The following FRMD4A variants were observed in gnomAD, a reference collection of about 807,000 sequenced individuals.
FRMD4A encodes the protein FERM domain containing 4A, also known as FERM domain-containing protein 4A.
FRMD4A carries 29 observed loss-of-function variants against 129.1 expected under a neutral mutation model. That is an observed-to-expected ratio of 0.22 (90% CI 0.17 to 0.31). The LOEUF (loss-of-function observed/expected upper bound fraction) is 0.31, where lower values mean the gene tolerates loss of function less well. FRMD4A is among the 10% of genes least tolerant of loss of function. The pLI is 1.00. For missense variants in FRMD4A, 1,272 were observed against 1,375.8 expected (o/e 0.92, Z 1.19); for synonymous variants, 634 against 571.6 (o/e 1.11, Z -1.56).
Position 13,656,931 on chromosome 10 carries a change from G to A in FRMD4A, c.2658C>T (p.Gly886=), listed in dbSNP as rs2082207272. The part of the protein sequence containing the change: ...GGLFKESWRG[G]GGDEGDTGRL... ...GGCCCGTGTCGCCCTCGTCGCCGCC[G>A]CCGCCGCGCCAGCTCTCCTTGAACA... The change falls in exon 22 of 25, where the codon GGC becomes GGT. Residue 886 remains glycine (G), a synonymous_variant. Coordinates refer to ENST00000357447, the MANE Select transcript of FRMD4A (RefSeq NM_018027.5). The A allele has an allele frequency of 6.0e-6, 9 of 1,501,602 alleles. No individual in the cohort carries two copies. The highest frequency in any genetic ancestry group is 8.0e-6 in the Non-Finnish European group (9 of 1,131,444). 93.0% of individuals were successfully genotyped at this position (1,501,602 alleles called of 1,614,324 possible).
At chr10:13,842,283 C>T (rs569975865) in intron 3 of FRMD4A, among the ~76,000 whole-genome samples, 2 of 152,298 alleles carry the variant, frequency 1.3e-5, no homozygotes, top group South Asian at 2.1e-4. Flanking sequence ...CGTGGGTTTG[C>T]TTAAAATAGT....
chr10:14,200,338 G>A (rs1295181234), intron 2 of FRMD4A, among the ~76,000 whole-genome samples: 1 of 141,394 alleles, frequency 7.1e-6, no homozygotes, highest in Non-Finnish European at 1.6e-5. Context: ...GTCACACCCA[G>A]GCTGGAGTGC....
intron 23 of FRMD4A, chr10:13,653,762 T>C (rs1589211749): frequency 6.5e-6 from 1 of 152,846 alleles, no homozygotes; most frequent in South Asian, 2.1e-4. Context: ...GCCAGGCGGG[T>C]TACCTGTGTC....
chr10:13,934,124 C>T (rs2095228122), intron 2 of FRMD4A, among the ~76,000 whole-genome samples: 1 of 152,186 alleles, frequency 6.6e-6, no homozygotes, highest in Non-Finnish European at 1.5e-5. Flanking sequence ...GCCTAAAACA[C>T]ATTGACTATG....
intron 3 of FRMD4A, among the ~76,000 whole-genome samples, chr10:13,815,199 AG>A (rs2093521691): frequency 6.6e-6 from 1 of 152,230 alleles, no homozygotes; most frequent in African/African-American, 2.4e-5. Context: ...ATTCAAAACA[AG>A]GTTGAGATAC....
chr10:13,889,164 A>G (rs752489386), intron 2 of FRMD4A, among the ~76,000 whole-genome samples: 1 of 152,216 alleles, frequency 6.6e-6, no homozygotes, highest in Non-Finnish European at 1.5e-5. Context: ...CCCAACACTT[A>G]CTTAAAGACA....
At chr10:13,973,829 C>T (rs11813377) in intron 2 of FRMD4A, among the ~76,000 whole-genome samples, 5,262 of 152,010 alleles carry the variant, frequency 0.035, 335 homozygotes, top group African/African-American at 0.12. Flanking sequence ...GCATACAGTA[C>T]GCAGAAAATG....
intron 2 of FRMD4A, among the ~76,000 whole-genome samples, chr10:14,121,359 C>T (rs1834503202): frequency 6.6e-6 from 1 of 152,158 alleles, no homozygotes; most frequent in Admixed American, 6.5e-5. Context: ...CAGAGTGAGA[C>T]TCTGTCTCAA....
At chr10:13,823,149 GA>G (rs932523673) in intron 3 of FRMD4A, among the ~76,000 whole-genome samples, 3 of 152,210 alleles carry the variant, frequency 2.0e-5, no homozygotes, top group African/African-American at 7.2e-5. Context: ...TGCCCAATGG[GA>G]AGGCTTTGAC....
At position 13,657,987 on chromosome 10, in the gene FRMD4A, T is replaced by C. The variant is rs192048143; in HGVS notation, c.2067-465A>G. ...AAGACCTCATCTCTTACAAATAAAT[T>C]AGAAAATTAGCTGGGTGTAGTGTTG... On this transcript the variant is annotated intron_variant, in intron 21 of 24. Transcript: ENST00000357447. Among the ~76,000 whole-genome samples the C allele has an allele frequency of 6.0e-5, 9 of 150,514 alleles. No individual in the cohort carries two copies. The East Asian group carries it at 1.6e-3, about 26-fold the overall frequency.
chr10:14,089,285 A>G (rs1220224095), intron 2 of FRMD4A, among the ~76,000 whole-genome samples: 1 of 152,074 alleles, frequency 6.6e-6, no homozygotes, highest in African/African-American at 2.4e-5. Flanking sequence ...GCCCAGCGTG[A>G]CCACCGTTGG....
intron 2 of FRMD4A, among the ~76,000 whole-genome samples, chr10:14,300,867 G>T (rs1338980346): frequency 6.6e-6 from 1 of 152,158 alleles, no homozygotes; most frequent in African/African-American, 2.4e-5. Context: ...CTACTGGGAG[G>T]TGATTTCTAG....
intron 8 of FRMD4A, among the ~76,000 whole-genome samples, chr10:13,751,113 TG>T (rs1469842140): frequency 6.6e-6 from 1 of 152,092 alleles, no homozygotes; most frequent in Non-Finnish European, 1.5e-5. Context: ...AGCTGAAACT[TG>T]AGTTTGGGTT....
chr10:13,828,535 CT>C lies in FRMD4A; in HGVS notation c.112-17628del, dbSNP rs568818717. Among the ~76,000 whole-genome samples the C allele has an allele frequency of 1.4e-3, 190 of 135,236 alleles. 1 individual carries two copies. Among genetic ancestry groups the C allele is most frequent in the African/African-American group, 3.3e-3 (122 of 36,722 alleles). The allele number at this position is 135,236 out of a possible 152,430, so 88.7% of individuals were successfully genotyped here. On this transcript the variant is annotated intron_variant, in intron 3 of 24. Coordinates refer to ENST00000357447, the MANE Select transcript of FRMD4A (RefSeq NM_018027.5). ...ACCATGTTTTCTTCTTTCTTTCTTT[CT>C]TTTTTTTTTTTTTGAGACGGAGTTT...
At chr10:14,260,186 C>T (rs1844752446) in intron 2 of FRMD4A, among the ~76,000 whole-genome samples, 1 of 152,094 alleles carries the variant, frequency 6.6e-6, no homozygotes, top group Non-Finnish European at 1.5e-5. Flanking sequence ...TGGCTCCAGA[C>T]CCCAGCATGC....
chr10:14,046,987 C>T (rs1834017149), intron 2 of FRMD4A, among the ~76,000 whole-genome samples: 1 of 152,096 alleles, frequency 6.6e-6, no homozygotes, highest in Non-Finnish European at 1.5e-5. Flanking sequence ...CATCCTGGGG[C>T]CATGTTGTCC....
chr10:14,073,030 AAT>A (rs985407230), intron 2 of FRMD4A, among the ~76,000 whole-genome samples: 4 of 151,594 alleles, frequency 2.6e-5, no homozygotes, highest in African/African-American at 9.8e-5. Flanking sequence ...GGGATAAAAA[AAT>A]AATAGCTTTA....
At chr10:13,968,250 T>G (rs1188964464) in intron 2 of FRMD4A, among the ~76,000 whole-genome samples, 1 of 152,170 alleles carries the variant, frequency 6.6e-6, no homozygotes, top group South Asian at 2.1e-4. Flanking sequence ...CTAGGTGAAC[T>G]CATCCAGAGC....
chr10:13,848,021 G>A (rs1275720722), intron 3 of FRMD4A, among the ~76,000 whole-genome samples: 1 of 152,222 alleles, frequency 6.6e-6, no homozygotes, highest in Non-Finnish European at 1.5e-5. Flanking sequence ...ACACGTGTGT[G>A]CCTTTCCCCT....
Sources: allele counts gnomAD v4.1 joint callset (sites outside exome capture counted in the v4.1 genomes callset), GRCh38; gene constraint gnomAD v4.1.1; transcripts MANE v1.5; gene names NCBI Gene and HGNC (gene_info 2026-07-23, HGNC 2026-07-21).